AKAP13: variants seen among roughly 807,000 people sequenced by gnomAD.
The protein encoded by AKAP13 is A-kinase anchoring protein 13, also known as A-kinase anchor protein 13.
A neutral mutation model predicts 264.5 loss-of-function variants in AKAP13; 80 were observed. The ratio of observed to expected loss-of-function variants is 0.30; its 90% CI spans 0.25 to 0.36. The LOEUF (loss-of-function observed/expected upper bound fraction) is 0.36, where lower values mean the gene tolerates loss of function less well. Ranked by LOEUF, AKAP13 falls within the 10% of genes least tolerant of loss-of-function variation. The probability of loss-of-function intolerance (pLI) is 1.00; values close to 1 mark genes in which losing one functional copy is unlikely to be tolerated. For missense variants in AKAP13, 3,712 were observed against 3,435.2 expected, an observed-to-expected ratio of 1.08 and a Z score of -2.01; for synonymous variants, 1,380 against 1,250.2, an observed-to-expected ratio of 1.10 and a Z score of -2.19.
rs989842366 is a variant in AKAP13, at chr15:85,684,568, A to G, written c.5157-173A>G. ...CCAAAACAGACAAGTGAACAAGAAA[A>G]CATTAGTGACGGATCTAAGGAAACT... On this transcript the variant is annotated intron_variant, in intron 15 of 36. Coordinates refer to ENST00000394518, the MANE Select transcript of AKAP13 (RefSeq NM_007200.5). 6.8e-5 allele frequency: 42 copies of G among 619,428 alleles called. 1 individual carries two copies. Among genetic ancestry groups the G allele is most frequent in the Non-Finnish European group, 2.4e-5 (9 of 368,246 alleles). 38.4% of individuals were successfully genotyped at this position (619,428 alleles called of 1,614,324 possible).
At chr15:85,430,458 T>C (rs2072977516) in intron 1 of AKAP13, among the ~76,000 whole-genome samples, 1 of 152,198 alleles carries the variant, frequency 6.6e-6, no homozygotes, top group African/African-American at 2.4e-5. Context: ...AGAGAGAGAT[T>C]ATGTGACTTA....
intron 8 of AKAP13, among the ~76,000 whole-genome samples, chr15:85,628,825 A>G (rs2081556575): frequency 6.6e-6 from 1 of 152,206 alleles, no homozygotes; most frequent in African/African-American, 2.4e-5. Context: ...AAGATGTGAA[A>G]TACACTTTGC....
chr15:85,475,278 A>G (rs2075119148), intron 1 of AKAP13, among the ~76,000 whole-genome samples: 1 of 152,154 alleles, frequency 6.6e-6, no homozygotes, highest in South Asian at 2.1e-4. Context: ...GTCAGCACTC[A>G]CTGAATTATG....
intron 10 of AKAP13, 66 bp downstream of exon 10, chr15:85,646,020 A>T: frequency 6.4e-7 from 1 of 1,553,532 alleles, no homozygotes; most frequent in Non-Finnish European, 8.7e-7. Context: ...GGCTTCCCAA[A>T]CTCTTTTCCA....
At chr15:85,473,771 T>C (rs185802806) in intron 1 of AKAP13, among the ~76,000 whole-genome samples, 1 of 152,282 alleles carries the variant, frequency 6.6e-6, no homozygotes, top group Non-Finnish European at 1.5e-5. Flanking sequence ...GGGGCCTCCC[T>C]CCTCTGTAGA....
At chr15:85,692,356 A>G (rs2085332393) in intron 16 of AKAP13, among the ~76,000 whole-genome samples, 1 of 152,240 alleles carries the variant, frequency 6.6e-6, no homozygotes, top group South Asian at 2.1e-4. Context: ...TATCTCACCT[A>G]ATTGTCATAT....
At chr15:85,466,712 C>T (rs1409450065) in intron 1 of AKAP13, among the ~76,000 whole-genome samples, 1 of 152,116 alleles carries the variant, frequency 6.6e-6, no homozygotes, top group Non-Finnish European at 1.5e-5. Context: ...AATGGGCACA[C>T]AGTACTTTTT....
At chr15:85,551,095 A>G (rs779688307) in intron 5 of AKAP13, among the ~76,000 whole-genome samples, 2 of 152,152 alleles carry the variant, frequency 1.3e-5, no homozygotes, top group South Asian at 2.1e-4. Flanking sequence ...GTGAGGAGGC[A>G]TGTTTGGTAG....
chr15:85,457,996 T>G (rs899428219), intron 1 of AKAP13, among the ~76,000 whole-genome samples: 1 of 151,670 alleles, frequency 6.6e-6, no homozygotes, highest in Non-Finnish European at 1.5e-5. Flanking sequence ...AAAAATTAGC[T>G]GGGTGTGGTG....
rs760777078 is a variant in AKAP13 at position 85,670,443 on chromosome 15, A to G, written c.5101+613A>G. 1.2e-3 allele frequency among the ~76,000 whole-genome samples: 189 copies of G among 151,360 alleles called. 1 individual carries two copies. The highest frequency in any genetic ancestry group is 2.3e-3 in the Non-Finnish European group (154 of 67,904). On this transcript the variant is annotated intron_variant, in intron 14 of 36. Transcript: ENST00000394518. ...ATATAAGAGTACCTTATACTCTTAT[A>G]TACTGTGGTAGTACTGTATTACAGT...
chr15:85,570,075 C>CAAAAAAAAAAAAA (rs141206000), intron 5 of AKAP13, among the ~76,000 whole-genome samples: 2 of 83,520 alleles, frequency 2.4e-5, no homozygotes, highest in Non-Finnish European at 4.4e-5. Context: ...GACTCCGTCT[C>CAAAAAAAAAAAAA]AAAAAAAAAA....
chr15:85,677,671 A>T (rs1480963423), intron 14 of AKAP13, among the ~76,000 whole-genome samples: 14 of 136,736 alleles, frequency 1.0e-4, no homozygotes, highest in East Asian at 4.3e-4. Flanking sequence ...TTTGAGATGG[A>T]GATGGAGTCT....
chr15:85,452,176 A>T (rs1228996093), intron 1 of AKAP13, among the ~76,000 whole-genome samples: 2 of 147,814 alleles, frequency 1.4e-5, no homozygotes, highest in African/African-American at 5.0e-5. Flanking sequence ...TTGTATTGTG[A>T]AATTCTTGTA....
chr15:85,424,694 C>G (rs2072687730), intron 1 of AKAP13, among the ~76,000 whole-genome samples: 1 of 152,230 alleles, frequency 6.6e-6, no homozygotes, highest in Admixed American at 6.5e-5. Context: ...CTGTTTGTTG[C>G]AAGAGGCCTA....
At chr15:85,465,661 G>A (rs1272077763) in intron 1 of AKAP13, among the ~76,000 whole-genome samples, 1 of 151,460 alleles carries the variant, frequency 6.6e-6, no homozygotes, top group African/African-American at 2.4e-5. Context: ...TTTCATCCAT[G>A]TCCCTACAAA....
chr15:85,613,801 G>A (rs1398129443), intron 8 of AKAP13, among the ~76,000 whole-genome samples: 2 of 150,216 alleles, frequency 1.3e-5, no homozygotes, highest in African/African-American at 4.9e-5. Context: ...TTGCTCTTCA[G>A]ATTTATGAAT....
intron 26 of AKAP13, 134 bp from the exon 27 acceptor site, chr15:85,726,276 G>A (rs772382239): frequency 8.2e-6 from 5 of 609,108 alleles, no homozygotes; most frequent in Non-Finnish European, 1.5e-5. Context: ...GGAGGAGTGT[G>A]ATCTCAGATC....
At chr15:85,703,240 A>G (rs141612112) in intron 17 of AKAP13, among the ~76,000 whole-genome samples, 1 of 152,322 alleles carries the variant, frequency 6.6e-6, no homozygotes, top group South Asian at 2.1e-4. Flanking sequence ...TAAAATACAT[A>G]TAGTTGATTA....
In AKAP13 at chr15:85,610,967, G is replaced by A. The variant is rs1374172298; in HGVS notation, c.4161+25144G>A. Among the ~76,000 whole-genome samples the A allele has an allele frequency of 2.6e-5, 4 of 152,102 alleles. No individual in the cohort carries two copies. In the East Asian group the frequency reaches 7.7e-4, roughly 29 times the overall value. On this transcript the variant is annotated intron_variant, in intron 8 of 36. Coordinates refer to ENST00000394518, the MANE Select transcript of AKAP13 (RefSeq NM_007200.5). ...GCGCTCCAGCCTGGGCAACAAGAGC[G>A]AAACTCCACCCCCCCACTCCCCTCC...
Sources: allele counts gnomAD v4.1 joint callset (sites outside exome capture counted in the v4.1 genomes callset), GRCh38; gene constraint gnomAD v4.1.1; transcripts MANE v1.5; gene names NCBI Gene and HGNC (gene_info 2026-07-23, HGNC 2026-07-21).